The following NDUFA5 variants were observed in gnomAD, a reference collection of about 807,000 sequenced individuals.
NDUFA5 encodes the protein NADH:ubiquinone oxidoreductase subunit A5, also known as NADH dehydrogenase [ubiquinone] 1 alpha subcomplex subunit 5.
A neutral mutation model predicts 19.8 loss-of-function variants in NDUFA5; 11 were observed. The ratio of observed to expected loss-of-function variants is 0.56; its 90% CI spans 0.35 to 0.92. The LOEUF is 0.92. NDUFA5 is among the 40% of genes least tolerant of loss of function. The pLI is 0.01. For synonymous variants in NDUFA5, 47 were observed against 46.8 expected (o/e 1.00, Z -0.01); for missense variants, 109 against 134.2 (o/e 0.81, Z 0.93).
At chr7:123,588,873 T>C in the NDUFA5 span, among the ~76,000 whole-genome samples, 1 of 151,820 alleles carries the variant, frequency 6.6e-6, no homozygotes, top group Non-Finnish European at 1.5e-5. Context: ...ATTTTTTAAT[T>C]TTCCCATTTT....
chr7:123,565,032 CA>C, the NDUFA5 span, among the ~76,000 whole-genome samples: 1 of 152,096 alleles, frequency 6.6e-6, no homozygotes, highest in East Asian at 1.9e-4. Flanking sequence ...AAAAGTCCCA[CA>C]ATCTGCTGTC....
At chr7:123,557,264 C>T (rs1225514582) in intron 2 of NDUFA5, 140 bp downstream of exon 2, 3 of 1,178,914 alleles carry the variant, frequency 2.5e-6, no homozygotes, top group Non-Finnish European at 3.7e-6. Flanking sequence ...AGGTGGACAG[C>T]GCCCGTGTCT....
chr7:123,542,724 C>T (rs1343922023), intron 4 of NDUFA5, among the ~76,000 whole-genome samples: 2 of 151,954 alleles, frequency 1.3e-5, no homozygotes, highest in Admixed American at 6.6e-5. Flanking sequence ...TTCCATGACC[C>T]ACAGTCACTT....
At chr7:123,578,560 T>C in the NDUFA5 span, among the ~76,000 whole-genome samples, 1 of 152,114 alleles carries the variant, frequency 6.6e-6, no homozygotes, top group Non-Finnish European at 1.5e-5. Flanking sequence ...TTTGCTTTTC[T>C]AACTATTATC....
upstream of NDUFA5, chr7:123,557,990 G>C (rs1798628684): frequency 6.0e-6 from 5 of 831,566 alleles, no homozygotes; most frequent in Admixed American, 1.0e-4. Context: ...GGGCATACAA[G>C]CCTAAAGCTA....
At chr7:123,552,729 C>T (rs969454249) in intron 2 of NDUFA5, among the ~76,000 whole-genome samples, 11 of 151,624 alleles carry the variant, frequency 7.3e-5, no homozygotes, top group Middle Eastern at 3.2e-3. Context: ...AGAAGTCCAC[C>T]TTTCTTCATG....
chr7:123,557,738 C>T (rs1562900828), intron 1 of NDUFA5, 37 bp downstream of exon 1: 6 of 1,614,090 alleles, frequency 3.7e-6, no homozygotes, highest in Middle Eastern at 1.6e-4. Flanking sequence ...TCTACCCCCA[C>T]AGTCTAAATT....
the NDUFA5 span, among the ~76,000 whole-genome samples, chr7:123,580,836 A>G: frequency 1.4e-4 from 21 of 152,160 alleles, no homozygotes; most frequent in East Asian, 1.9e-3. Flanking sequence ...AGCCATCATT[A>G]TAATTATTAT....
the NDUFA5 span, among the ~76,000 whole-genome samples, chr7:123,577,099 T>A: frequency 1.3e-5 from 2 of 152,156 alleles, no homozygotes; most frequent in Non-Finnish European, 2.9e-5. Flanking sequence ...CATAACCACC[T>A]CCTACTTAAT....
chr7:123,578,345 A>T, the NDUFA5 span, among the ~76,000 whole-genome samples: 1 of 151,696 alleles, frequency 6.6e-6, no homozygotes, highest in Non-Finnish European at 1.5e-5. Flanking sequence ...CTGTGACTAG[A>T]ACTCTGTTTT....
chr7:123,582,103 G>A, the NDUFA5 span, among the ~76,000 whole-genome samples: 1 of 152,028 alleles, frequency 6.6e-6, no homozygotes, highest in East Asian at 1.9e-4. Flanking sequence ...GGAAAGGGAG[G>A]AGAAATTGCT....
At chr7:123,584,107 C>A in the NDUFA5 span, among the ~76,000 whole-genome samples, 14 of 151,920 alleles carry the variant, frequency 9.2e-5, no homozygotes, top group East Asian at 2.5e-3. Context: ...TAATTTATTT[C>A]TTCAGCTCAG....
chr7:123,542,678 G>A (rs1253787321), intron 4 of NDUFA5, among the ~76,000 whole-genome samples: 1 of 151,546 alleles, frequency 6.6e-6, no homozygotes, highest in Non-Finnish European at 1.5e-5. Context: ...TTTTTCTATT[G>A]TGTTTTTTTA....
upstream of NDUFA5, chr7:123,558,136 C>G: frequency 2.5e-6 from 1 of 404,214 alleles, no homozygotes; most frequent in East Asian, 4.5e-5. Context: ...GGAACCTGCA[C>G]TGTGCTTAAC....
At chr7:123,588,494 A>G in the NDUFA5 span, among the ~76,000 whole-genome samples, 1 of 150,708 alleles carries the variant, frequency 6.6e-6, no homozygotes, top group Admixed American at 6.6e-5. Context: ...TCTTATCTCT[A>G]TTTCATTTAT....
At chr7:123,582,673 A>G in the NDUFA5 span, among the ~76,000 whole-genome samples, 1 of 151,754 alleles carries the variant, frequency 6.6e-6, no homozygotes, top group Admixed American at 6.6e-5. Context: ...ACTCCTTCTT[A>G]TCCTTCAAGT....
At chr7:123,562,216 C>T (rs184220829), upstream of NDUFA5, among the ~76,000 whole-genome samples, 186 of 152,092 alleles carry the variant, frequency 1.2e-3, no homozygotes, top group Middle Eastern at 6.8e-3. Flanking sequence ...TTAGCCCAGA[C>T]TTTGTTGTTC....
chr7:123,593,785 T>A, the NDUFA5 span, among the ~76,000 whole-genome samples: 2 of 152,132 alleles, frequency 1.3e-5, no homozygotes, highest in African/African-American at 4.8e-5. Flanking sequence ...AGGAATAGCT[T>A]TGTGGCGTTC....
chr7:123,559,365 G>C (rs1393156499), upstream of NDUFA5, among the ~76,000 whole-genome samples: 1 of 149,806 alleles, frequency 6.7e-6, no homozygotes. Context: ...AGATGGCTTC[G>C]CTGGTAAATT....
Sources: gnomAD v4.1 joint callset for allele counts (sites outside exome capture counted in the v4.1 genomes callset) on GRCh38, gnomAD v4.1.1 for gene constraint, MANE v1.5 for transcripts, NCBI Gene and HGNC (gene_info 2026-07-23, HGNC 2026-07-21) for gene names.